Variants in ADAM22 observed in about 807,000 individuals in gnomAD.
ADAM22 encodes the protein disintegrin and metalloproteinase domain-containing protein 22.
In ADAM22, 65 loss-of-function variants were observed where a neutral mutation model predicts 144.6. That is an observed-to-expected ratio of 0.45 (90% CI 0.37 to 0.55). The LOEUF (loss-of-function observed/expected upper bound fraction) is 0.55, where lower values mean the gene tolerates loss of function less well. Ranked by LOEUF, ADAM22 falls within the 20% of genes least tolerant of loss-of-function variation. The pLI is 0.00. For missense variants in ADAM22, 974 were observed against 1,184.9 expected (o/e 0.82, Z 2.61); for synonymous variants, 391 against 412.6 (o/e 0.95, Z 0.63).
intron 3 of ADAM22, among the ~76,000 whole-genome samples, chr7:87,979,565 T>G (rs945554241): frequency 2.0e-5 from 3 of 152,206 alleles, no homozygotes; most frequent in East Asian, 3.8e-4. Flanking sequence ...TTGACTACCA[T>G]TATTGATGTA....
chr7:88,064,929 C>T lies in ADAM22; in HGVS notation c.324-10697C>T, dbSNP rs765802361. 2.6e-5 allele frequency among the ~76,000 whole-genome samples: 4 copies of T among 152,062 alleles called. No homozygotes were observed. In the East Asian group the frequency reaches 5.8e-4, roughly 22 times the overall value. ...GATCAGTAGAAATAGTACTAGTAATCATAGTAATAGTAGTAGTAGTGGTAG... is the reference window on the plus strand; with the variant it reads ...GATCAGTAGAAATAGTACTAGTAATTATAGTAATAGTAGTAGTAGTGGTAG... On this transcript the variant is annotated intron_variant, in intron 3 of 31. Coordinates refer to ENST00000413139, the MANE Select transcript of ADAM22 (RefSeq NM_001324418.2).
chr7:88,116,622 C>A (rs2129490459), intron 6 of ADAM22, 123 bp from the exon 7 acceptor site: 3 of 737,006 alleles, frequency 4.1e-6, no homozygotes, highest in Non-Finnish European at 7.0e-6. Flanking sequence ...TTCATCACCT[C>A]TCTAAACCCA....
intron 3 of ADAM22, among the ~76,000 whole-genome samples, chr7:88,058,266 A>T (rs1456668410): frequency 6.6e-6 from 1 of 152,220 alleles, no homozygotes; most frequent in Admixed American, 6.5e-5. Flanking sequence ...TAGGTCTGAG[A>T]AGAGAAGGTT....
At chr7:87,968,970 A>T (rs112315718) in intron 2 of ADAM22, among the ~76,000 whole-genome samples, 88 of 152,240 alleles carry the variant, frequency 5.8e-4, no homozygotes, top group African/African-American at 2.1e-3. Flanking sequence ...GAGATGCTAC[A>T]CACTTTTAAA....
At chr7:87,952,849 C>A (rs1458137662) in intron 2 of ADAM22, among the ~76,000 whole-genome samples, 5 of 152,224 alleles carry the variant, frequency 3.3e-5, no homozygotes, top group Admixed American at 2.0e-4. Flanking sequence ...AGAGATTCAA[C>A]TTCTTCCCGG....
rs746391164 is a variant in ADAM22 at position 88,196,534 on chromosome 7, A to G, written c.*43A>G. On this transcript the variant is annotated 3_prime_UTR_variant, in exon 32 of 32. Transcript: ENST00000413139. ...TGATACATCGAAAACTGTTTACTTC[A>G]ACTTTTATAGAAACCCAGGCTCATG... is the stretch of plus-strand genomic sequence containing the variant. 3.7e-6 allele frequency: 6 copies of G among 1,605,578 alleles called. No individual in the cohort carries two copies. Among genetic ancestry groups the G allele is most frequent in the South Asian group, 1.1e-5 (1 of 90,946 alleles).
chr7:87,949,858 A>G (rs1844611937), intron 2 of ADAM22, among the ~76,000 whole-genome samples: 1 of 149,704 alleles, frequency 6.7e-6, no homozygotes, highest in Non-Finnish European at 1.5e-5. Flanking sequence ...AATATAAAAT[A>G]TAGATAATAA....
intron 3 of ADAM22, among the ~76,000 whole-genome samples, chr7:88,005,429 A>G (rs932708211): frequency 7.9e-5 from 12 of 152,318 alleles, no homozygotes; most frequent in African/African-American, 2.6e-4. Flanking sequence ...TGCTATCACC[A>G]TCACAGTGGG....
intron 23 of ADAM22, among the ~76,000 whole-genome samples, chr7:88,164,219 C>T (rs1842428158): frequency 6.6e-6 from 1 of 151,942 alleles, no homozygotes; most frequent in African/African-American, 2.4e-5. Context: ...TCTTGATCAT[C>T]CATGCTAATG....
intron 2 of ADAM22, among the ~76,000 whole-genome samples, chr7:87,960,290 C>T (rs1385872975): frequency 6.6e-6 from 1 of 152,040 alleles, no homozygotes; most frequent in Non-Finnish European, 1.5e-5. Flanking sequence ...TTTTAAGCAT[C>T]ATATGTTCAC....
intron 3 of ADAM22, among the ~76,000 whole-genome samples, chr7:88,008,420 A>G (rs533967990): frequency 2.6e-5 from 4 of 151,794 alleles, no homozygotes; most frequent in African/African-American, 9.7e-5. Context: ...AAAGGACTAT[A>G]AATCATGCTG....
rs1336951354 is a variant in ADAM22, at chr7:87,976,203, GC to G, written c.247-2132del. On this transcript the variant is annotated intron_variant, in intron 2 of 31. Transcript: ENST00000413139. ...GAGGAGGCTAGACGAGGTTGGAAAG[GC>G]TTCATGGAAGAGGGGTGCTATGCAC... Among the ~76,000 whole-genome samples the G allele has an allele frequency of 3.3e-5, 5 of 152,150 alleles. No individual in the cohort carries two copies. The East Asian group carries it at 9.6e-4, about 29-fold the overall frequency.
chr7:88,104,109 T>C (rs1343766221), intron 4 of ADAM22, among the ~76,000 whole-genome samples: 2 of 152,130 alleles, frequency 1.3e-5, no homozygotes, highest in Non-Finnish European at 2.9e-5. Flanking sequence ...AAGGAGATTA[T>C]CTAAATGTCC....
intron 3 of ADAM22, among the ~76,000 whole-genome samples, chr7:88,063,537 G>A (rs1174652927): frequency 1.3e-5 from 2 of 152,156 alleles, no homozygotes; most frequent in Admixed American, 6.6e-5. Flanking sequence ...AGAAAGGACA[G>A]AGAGGAAATT....
chr7:88,153,481 G>T (rs1839053972), intron 21 of ADAM22, among the ~76,000 whole-genome samples, 155 bp downstream of exon 21: 1 of 152,180 alleles, frequency 6.6e-6, no homozygotes, highest in South Asian at 2.1e-4. Context: ...CACCTGTGCA[G>T]AGGGCTTCCA....
rs909592585 is a variant in ADAM22, at chr7:88,184,643, C to A, written c.2664-1972C>A. ...ATGTCGCGCTATATGCCAAGTCAAG[C>A]CACATAGGTAGATTTACTGCAATAT... On this transcript the variant is annotated intron_variant, in intron 29 of 31. Coordinates refer to ENST00000413139, the MANE Select transcript of ADAM22 (RefSeq NM_001324418.2). Among the ~76,000 whole-genome samples the A allele has an allele frequency of 2.0e-5, 3 of 152,082 alleles. No homozygotes were observed. In the East Asian group the frequency reaches 5.8e-4, roughly 29 times the overall value.
chr7:87,935,306 A>C, intron 2 of ADAM22, 120 bp downstream of exon 2: 1 of 1,138,302 alleles, frequency 8.8e-7, no homozygotes. Flanking sequence ...TTGGGTCCCG[A>C]TGCGAGTCAT....
chr7:87,972,061 T>A (rs1170977662), intron 2 of ADAM22, among the ~76,000 whole-genome samples: 2 of 151,992 alleles, frequency 1.3e-5, no homozygotes, highest in Non-Finnish European at 2.9e-5. Flanking sequence ...CTATTCAACA[T>A]AGTGTTGGAA....
chr7:88,157,857 T>C (rs1163100551), intron 22 of ADAM22, among the ~76,000 whole-genome samples: 1 of 152,146 alleles, frequency 6.6e-6, no homozygotes, highest in Non-Finnish European at 1.5e-5. Context: ...ATCTGTTGAT[T>C]CTTTAAACTA....
Sources: allele counts gnomAD v4.1 joint callset (sites outside exome capture counted in the v4.1 genomes callset), GRCh38; gene constraint gnomAD v4.1.1; transcripts MANE v1.5; gene names NCBI Gene and HGNC (gene_info 2026-07-23, HGNC 2026-07-21).